The following RGS5 variants were observed in gnomAD, a reference collection of about 807,000 sequenced individuals.
The protein encoded by RGS5 is regulator of G-protein signalling 5.
Under a neutral mutation model 18.9 loss-of-function variants are expected in RGS5, and 20 were observed. The ratio of observed to expected loss-of-function variants is 1.06; its 90% CI spans 0.74 to 1.54. The LOEUF (loss-of-function observed/expected upper bound fraction) is 1.54, where lower values mean the gene tolerates loss of function less well. Among genes scored for constraint, RGS5 ranks in the 40% most tolerant of loss-of-function variants. The pLI is 0.00. For missense variants in RGS5, 201 were observed against 211.8 expected, an observed-to-expected ratio of 0.95 and a Z score of 0.32; for synonymous variants, 57 against 76.2, an observed-to-expected ratio of 0.75 and a Z score of 1.31.
upstream of RGS5, among the ~76,000 whole-genome samples, chr1:163,203,767 T>C (rs1005174100): frequency 6.6e-6 from 1 of 152,186 alleles, no homozygotes; most frequent in East Asian, 1.9e-4. Context: ...CTCCCCACCA[T>C]AGCCATCCTT....
intron 2 of RGS5, among the ~76,000 whole-genome samples, chr1:163,166,095 T>C (rs922763067): frequency 2.7e-5 from 3 of 113,056 alleles, no homozygotes; most frequent in Non-Finnish European, 3.5e-5. Context: ...TCAGTAAAAG[T>C]AAGAGAAAGG....
At chr1:163,294,750 T>A (rs368974648) in intron 2 of RGS5, among the ~76,000 whole-genome samples, 211 of 152,334 alleles carry the variant, frequency 1.4e-3, no homozygotes, top group Non-Finnish European at 2.3e-3. Flanking sequence ...CTTTCCTTTT[T>A]AAACATAGGT....
chr1:163,158,735 T>C (rs1571218146), intron 3 of RGS5, among the ~76,000 whole-genome samples: 1 of 151,986 alleles, frequency 6.6e-6, no homozygotes, highest in Non-Finnish European at 1.5e-5. Context: ...AGGACCGGGG[T>C]GAAATTAAAA....
chr1:163,160,824 G>A (rs1020919137), intron 3 of RGS5, among the ~76,000 whole-genome samples: 1 of 152,096 alleles, frequency 6.6e-6, no homozygotes, highest in African/African-American at 2.4e-5. Context: ...TATAGGTAGG[G>A]TATTTTAAAT....
At chr1:163,193,812 C>T (rs1156778545) in intron 1 of RGS5, among the ~76,000 whole-genome samples, 1 of 152,168 alleles carries the variant, frequency 6.6e-6, no homozygotes, top group Non-Finnish European at 1.5e-5. Flanking sequence ...CCCTTCTCAT[C>T]CCATCCTCAA....
intron 1 of RGS5, among the ~76,000 whole-genome samples, chr1:163,313,858 G>A (rs1350839761): frequency 6.6e-6 from 1 of 152,192 alleles, no homozygotes; most frequent in East Asian, 1.9e-4. Flanking sequence ...GTAAGCGTTT[G>A]AGATTAGGAA....
intron 2 of RGS5, among the ~76,000 whole-genome samples, chr1:163,286,200 A>C (rs1021389073): frequency 6.6e-6 from 1 of 151,782 alleles, no homozygotes; most frequent in Non-Finnish European, 1.5e-5. Context: ...CAGCATTTAC[A>C]TTGTATTAGG....
intron 2 of RGS5, among the ~76,000 whole-genome samples, chr1:163,242,162 A>C (rs2101691926): frequency 6.6e-6 from 1 of 152,332 alleles, no homozygotes; most frequent in South Asian, 2.1e-4. Flanking sequence ...TTTTGACGTA[A>C]ACATCTGAGT....
At chr1:163,306,281 C>G (rs1557937454) in exon 2 of RGS5, 1 of 152,170 alleles carries the variant, frequency 6.6e-6, no homozygotes, top group Non-Finnish European at 1.5e-5. Context: ...TAACTTTCTC[C>G]TTTTTCCCTC....
chr1:163,192,212 T>A (rs1056348666), intron 1 of RGS5, among the ~76,000 whole-genome samples: 2 of 152,208 alleles, frequency 1.3e-5, no homozygotes, highest in Non-Finnish European at 2.9e-5. Flanking sequence ...AACCCCAATT[T>A]ATAGCTGAAC....
chr1:163,273,566 G>A (rs947971048), intron 2 of RGS5, among the ~76,000 whole-genome samples: 1 of 151,678 alleles, frequency 6.6e-6, no homozygotes, highest in African/African-American at 2.4e-5. Flanking sequence ...CGATCATTGG[G>A]GTCATTGCTA....
At chr1:163,320,655 A>T (rs1557942532) in intron 1 of RGS5, among the ~76,000 whole-genome samples, 2 of 152,152 alleles carry the variant, frequency 1.3e-5, no homozygotes, top group Non-Finnish European at 2.9e-5. Flanking sequence ...ACTGACTCTA[A>T]TATTTTTTTA....
intron 1 of RGS5, among the ~76,000 whole-genome samples, chr1:163,194,912 G>A (rs1002486083): frequency 2.8e-4 from 43 of 152,088 alleles, no homozygotes; most frequent in Admixed American, 1.0e-3. Flanking sequence ...AGAAATATAC[G>A]TTGATAATTA....
chr1:163,300,685 A>C (rs1182955476), intron 2 of RGS5: 1 of 152,232 alleles, frequency 6.6e-6, no homozygotes, highest in Non-Finnish European at 1.5e-5. Context: ...GGTCACCTTC[A>C]TCTAATCTGA....
chr1:163,276,386 T>C (rs924944429), intron 2 of RGS5, among the ~76,000 whole-genome samples: 9 of 152,192 alleles, frequency 5.9e-5, no homozygotes, highest in African/African-American at 2.2e-4. Context: ...AAGATACTCA[T>C]GACAACATTT....
At chr1:163,250,169 A>G (rs1198646233) in intron 2 of RGS5, among the ~76,000 whole-genome samples, 1 of 152,198 alleles carries the variant, frequency 6.6e-6, no homozygotes, top group Non-Finnish European at 1.5e-5. Context: ...GGCCTAGGCT[A>G]TGTTGGTACA....
upstream of RGS5, chr1:163,217,677 A>G (rs1660248299): frequency 1.4e-6 from 2 of 1,471,946 alleles, no homozygotes. Flanking sequence ...TTGGGAAACA[A>G]TGCTGAGAGA....
intron 2 of RGS5, among the ~76,000 whole-genome samples, chr1:163,234,713 C>T (rs1205326723): frequency 6.6e-6 from 1 of 152,134 alleles, no homozygotes; most frequent in Non-Finnish European, 1.5e-5. Flanking sequence ...ATAAAACACA[C>T]AAAAACTTAG....
rs1238306308 is a variant in RGS5 at position 163,208,289 on chromosome 1, A to T, written c.69+9237T>A. Among the ~76,000 whole-genome samples, 18 of 125,486 alleles carry T rather than the reference A, an allele frequency of 1.4e-4. No homozygotes were observed. The Admixed American group carries it at 1.5e-3, about 11-fold the overall frequency. The allele number at this position is 125,486 out of a possible 152,430, so 82.3% of individuals were successfully genotyped here. A position where few individuals can be genotyped will look rare whatever the true frequency, so the allele number is the denominator to read the frequency against. On this transcript the variant is annotated intron_variant, in intron 1 of 5. Transcript: ENST00000367903. ...CGTGAACCCGGGAGGCGGAGCTTGC[A>T]GTGAGCCGAGATCCCGCCACTGCAC...
Sources: allele counts gnomAD v4.1 joint callset (sites outside exome capture counted in the v4.1 genomes callset), GRCh38; gene constraint gnomAD v4.1.1; transcripts MANE v1.5; gene names NCBI Gene and HGNC (gene_info 2026-07-23, HGNC 2026-07-21).